The following GRIN2A variants were observed in gnomAD, a reference collection of about 807,000 sequenced individuals.
GRIN2A encodes glutamate ionotropic receptor NMDA type subunit 2A.
A neutral mutation model predicts 113.4 loss-of-function variants in GRIN2A; 22 were observed. The ratio of observed to expected loss-of-function variants is 0.19; its 90% CI spans 0.14 to 0.28. The LOEUF is 0.28. GRIN2A is among the 10% of genes least tolerant of loss of function. GRIN2A has a pLI of 1.00. For missense variants in GRIN2A, 1,502 were observed against 1,887.0 expected, an observed-to-expected ratio of 0.80 and a Z score of 3.78; for synonymous variants, 827 against 738.4, an observed-to-expected ratio of 1.12 and a Z score of -1.94.
chr16:10,056,581 A>G (rs557879137), intron 2 of GRIN2A, among the ~76,000 whole-genome samples: 1 of 152,312 alleles, frequency 6.6e-6, no homozygotes, highest in South Asian at 2.1e-4. Context: ...GCCTTTGTAG[A>G]TGTTATCAAC....
chr16:10,102,467 A>G (rs1486458481), intron 2 of GRIN2A, among the ~76,000 whole-genome samples: 2 of 152,218 alleles, frequency 1.3e-5, no homozygotes, highest in Non-Finnish European at 2.9e-5. Flanking sequence ...TAGCCTGCAG[A>G]ACCGTGAGCC....
intron 2 of GRIN2A, among the ~76,000 whole-genome samples, chr16:9,991,469 G>C (rs1260779851): frequency 6.6e-6 from 1 of 152,180 alleles, no homozygotes; most frequent in African/African-American, 2.4e-5. Context: ...TTGTGTAGTG[G>C]TGAAGTCTTG....
chr16:10,166,289 T>C (rs920215164), intron 2 of GRIN2A, among the ~76,000 whole-genome samples: 9 of 152,208 alleles, frequency 5.9e-5, no homozygotes, highest in African/African-American at 1.9e-4. Flanking sequence ...GCTCAATGTT[T>C]GATGGTAAGA....
chr16:9,924,110 CA>C (rs921695456), intron 3 of GRIN2A, among the ~76,000 whole-genome samples: 1,562 of 18,144 alleles, frequency 0.086, 29 homozygotes, highest in African/African-American at 0.19. Flanking sequence ...GACTTGGTCT[CA>C]AAAAAAAAAA....
intron 3 of GRIN2A, chr16:9,937,741 G>A: frequency 5.2e-6 from 3 of 580,784 alleles, no homozygotes; most frequent in South Asian, 2.0e-5. Flanking sequence ...TTGTTGAGTA[G>A]AAAAAAAAGT....
intron 2 of GRIN2A, among the ~76,000 whole-genome samples, chr16:10,170,648 A>G (rs1031861351): frequency 1.3e-5 from 2 of 152,078 alleles, no homozygotes; most frequent in Non-Finnish European, 2.9e-5. Flanking sequence ...GGCCAAGGGA[A>G]GAGGATTGCT....
intron 7 of GRIN2A, among the ~76,000 whole-genome samples, chr16:9,839,388 A>C (rs2042635433): frequency 6.6e-6 from 1 of 152,016 alleles, no homozygotes; most frequent in African/African-American, 2.4e-5. Flanking sequence ...AAAAAAAAAA[A>C]CACCTTTTAT....
At position 9,843,253 on chromosome 16, in the gene GRIN2A, GAC is replaced by G. The variant is rs771940827; in HGVS notation, c.1329-2151_1329-2150del. Among the ~76,000 whole-genome samples the G allele has an allele frequency of 1.3e-3, 198 of 152,002 alleles. 1 individual carries two copies. The highest frequency in any genetic ancestry group is 3.9e-3 in the African/African-American group (160 of 41,456). ...TACTACTTATGTAATTGGCAACACA[GAC>G]ACACACACACGCATCAAACAACATT... On this transcript the variant is annotated intron_variant, in intron 5 of 12. Transcript: ENST00000330684.
chr16:10,009,778 T>C (rs554757608), intron 2 of GRIN2A, among the ~76,000 whole-genome samples: 15 of 150,944 alleles, frequency 9.9e-5, no homozygotes, highest in South Asian at 2.1e-4. Context: ...GCCAATCTGG[T>C]CTTTCCTGCA....
intron 4 of GRIN2A, among the ~76,000 whole-genome samples, chr16:9,859,534 AT>A (rs1483556800): frequency 6.6e-6 from 1 of 151,296 alleles, no homozygotes; most frequent in Non-Finnish European, 1.5e-5. Context: ...TCACATTATA[AT>A]CACATACGCT....
chr16:10,012,031 T>A (rs143910934), intron 2 of GRIN2A, among the ~76,000 whole-genome samples: 1 of 152,184 alleles, frequency 6.6e-6, no homozygotes, highest in East Asian at 1.9e-4. Context: ...TTAGTTAGGA[T>A]CCCAGTCCAA....
chr16:9,784,819 A>C (rs573042748), intron 11 of GRIN2A, among the ~76,000 whole-genome samples: 3 of 132,162 alleles, frequency 2.3e-5, no homozygotes, highest in African/African-American at 9.8e-5. Flanking sequence ...ACATTTATGC[A>C]GTCAAAAGAT....
At chr16:9,928,658 C>T (rs28465498) in intron 3 of GRIN2A, among the ~76,000 whole-genome samples, 1,895 of 152,156 alleles carry the variant, frequency 0.012, 44 homozygotes, top group African/African-American at 0.044. Flanking sequence ...ATCACCTCCT[C>T]ATCTCTCCAG....
chr16:9,878,327 T>G (rs2141446789), intron 4 of GRIN2A, among the ~76,000 whole-genome samples: 1 of 152,332 alleles, frequency 6.6e-6, no homozygotes, highest in South Asian at 2.1e-4. Flanking sequence ...TGCTTCCAAT[T>G]TCTCTCCTAT....
chr16:9,885,916 T>C (rs1408154234), intron 4 of GRIN2A, among the ~76,000 whole-genome samples: 1 of 152,234 alleles, frequency 6.6e-6, no homozygotes, highest in Non-Finnish European at 1.5e-5. Context: ...CTGCCTTTTA[T>C]GGGAAATTGC....
At chr16:9,979,785 C>CTATATATATATA (rs71157796) in intron 2 of GRIN2A, among the ~76,000 whole-genome samples, 89 of 122,336 alleles carry the variant, frequency 7.3e-4, no homozygotes, top group Middle Eastern at 4.8e-3. Context: ...GACTATGGGA[C>CTATATATATATA]TATATATATA....
intron 2 of GRIN2A, among the ~76,000 whole-genome samples, chr16:10,075,117 G>A (rs1413745451): frequency 1.3e-5 from 2 of 152,120 alleles, no homozygotes; most frequent in African/African-American, 4.8e-5. Flanking sequence ...CTGGGACTTT[G>A]CATGGGTCCT....
chr16:10,006,268 T>A (rs1037437136), intron 2 of GRIN2A, among the ~76,000 whole-genome samples: 4 of 152,176 alleles, frequency 2.6e-5, no homozygotes, highest in Admixed American at 6.5e-5. Context: ...TAAACCCAGT[T>A]TTTTTACAAT....
chr16:9,978,248 T>A (rs2045815324), intron 2 of GRIN2A, among the ~76,000 whole-genome samples: 1 of 152,212 alleles, frequency 6.6e-6, no homozygotes. Flanking sequence ...CTTTTCAAAG[T>A]ATCCACGGAG....
Sources: gnomAD v4.1 joint callset for allele counts (sites outside exome capture counted in the v4.1 genomes callset) on GRCh38, gnomAD v4.1.1 for gene constraint, MANE v1.5 for transcripts, NCBI Gene and HGNC (gene_info 2026-07-23, HGNC 2026-07-21) for gene names.